PTH2R: variants seen among roughly 807,000 people sequenced by gnomAD.
PTH2R encodes the protein parathyroid hormone 2 receptor.
PTH2R carries 59 observed loss-of-function variants against 60.3 expected under a neutral mutation model. The ratio of observed to expected loss-of-function variants is 0.98; its 90% CI spans 0.79 to 1.22. The LOEUF is 1.22. Among genes scored for constraint, PTH2R ranks in the 50% most tolerant of loss-of-function variants. The pLI, the probability that PTH2R is intolerant of heterozygous loss-of-function variation, is 0.00. For synonymous variants in PTH2R, 256 were observed against 243.8 expected, an observed-to-expected ratio of 1.05 and a Z score of -0.47; for missense variants, 749 against 682.6, an observed-to-expected ratio of 1.10 and a Z score of -1.08.
chr2:208,416,061 A>C (rs1394270115), intron 1 of PTH2R, among the ~76,000 whole-genome samples: 6 of 152,212 alleles, frequency 3.9e-5, no homozygotes, highest in Non-Finnish European at 8.8e-5. Flanking sequence ...GAGTAATATC[A>C]GTAACATTTG....
intron 2 of PTH2R, among the ~76,000 whole-genome samples, chr2:208,429,534 T>A (rs528545689): frequency 5.3e-5 from 8 of 152,240 alleles, no homozygotes; most frequent in African/African-American, 1.9e-4. Context: ...TTACTATATT[T>A]AAAAAAATTT....
At chr2:208,379,459 CT>C (rs1337697899) in intron 1 of PTH2R, among the ~76,000 whole-genome samples, 2 of 152,166 alleles carry the variant, frequency 1.3e-5, no homozygotes, top group African/African-American at 4.8e-5. Flanking sequence ...AAAAATGGAA[CT>C]GTCTTTTGCT....
intron 8 of PTH2R, among the ~76,000 whole-genome samples, chr2:208,454,091 G>A (rs975902031): frequency 3.9e-5 from 6 of 152,144 alleles, no homozygotes; most frequent in African/African-American, 1.4e-4. Flanking sequence ...TGGCTCAAAT[G>A]GACTTTGGCC....
Position 208,443,382 on chromosome 2 carries a change from C to A in PTH2R, c.544C>A (p.His182Asn). 4 of 1,607,082 alleles carry A rather than the reference C, an allele frequency of 2.5e-6. No homozygotes were observed. The highest frequency in any genetic ancestry group is 3.4e-6 in the Non-Finnish European group (4 of 1,177,510). ...TTGCACTAGGAACTATATCCACATGCACTTATTTGTGTCTTTCATGCTGAG... is the reference window on the plus strand; with the variant it reads ...TTGCACTAGGAACTATATCCACATGAACTTATTTGTGTCTTTCATGCTGAG... ...LHCTRNYIHMHLFVSFMLRAT... is the reference protein window; with the variant it reads ...LHCTRNYIHMNLFVSFMLRAT... The change falls in exon 6 of 13, where the codon CAC becomes AAC. Residue 182 changes from histidine to asparagine, a missense_variant. Physicochemically the swap from His to Asn is moderately conservative, Grantham distance 68 (BLOSUM62 1). Coordinates refer to ENST00000272847, the MANE Select transcript of PTH2R (RefSeq NM_005048.4).
At chr2:208,368,376 A>G (rs1398224770) in intron 1 of PTH2R, among the ~76,000 whole-genome samples, 3 of 152,180 alleles carry the variant, frequency 2.0e-5, no homozygotes, top group Admixed American at 2.0e-4. Context: ...CTTATATGCA[A>G]TAGACTTAGC....
At chr2:208,373,947 C>T (rs575125278) in intron 1 of PTH2R, among the ~76,000 whole-genome samples, 2 of 152,094 alleles carry the variant, frequency 1.3e-5, no homozygotes, top group Non-Finnish European at 2.9e-5. Context: ...TACTTGAAAG[C>T]AAATACACTT....
At chr2:208,384,091 C>G (rs1700963726) in intron 1 of PTH2R, among the ~76,000 whole-genome samples, 1 of 152,158 alleles carries the variant, frequency 6.6e-6, no homozygotes, top group South Asian at 2.1e-4. Context: ...CTGCTAAATA[C>G]TGAAACAAGA....
At chr2:208,401,269 A>G (rs1444611909) in intron 1 of PTH2R, among the ~76,000 whole-genome samples, 1 of 152,070 alleles carries the variant, frequency 6.6e-6, no homozygotes, top group East Asian at 1.9e-4. Flanking sequence ...ATTCTTTTCA[A>G]AAGTCTCCAA....
intron 8 of PTH2R, among the ~76,000 whole-genome samples, chr2:208,455,985 TCCCAG>T (rs1344847823): frequency 1.3e-5 from 2 of 152,186 alleles, no homozygotes; most frequent in African/African-American, 4.8e-5. Flanking sequence ...ATGCCTGTAA[TCCCAG>T]TGCTTTGGGA....
chr2:208,489,378 C>CA lies in PTH2R; in HGVS notation c.1215+235dup, dbSNP rs1230714047. ...AGCAGTTCTGGAGCTGTTCGTCACA[C>CA]AAAAAAAGCCTGGACAGAGAGATAA... On this transcript the variant is annotated intron_variant, in intron 11 of 12. Transcript: ENST00000272847. Among the ~76,000 whole-genome samples, 27 of 151,892 alleles carry CA rather than the reference C, an allele frequency of 1.8e-4. No individual in the cohort carries two copies. The South Asian group carries it at 3.3e-3, about 19-fold the overall frequency.
At chr2:208,443,625 T>C (rs932390240) in intron 6 of PTH2R, 88 bp downstream of exon 6, 33 of 1,137,868 alleles carry the variant, frequency 2.9e-5, no homozygotes, top group Non-Finnish European at 4.0e-5. Flanking sequence ...CATGTTAACT[T>C]GCTTTTACTT....
chr2:208,442,461 G>A lies in PTH2R; in HGVS notation c.509G>A (p.Arg170Lys), dbSNP rs1229774535. The A allele has an allele frequency of 6.3e-7, 1 of 1,594,312 alleles. No homozygotes were observed. Among genetic ancestry groups the A allele is most frequent in the African/African-American group, 1.3e-5 (1 of 74,558 alleles). The change falls in exon 5 of 13, where the codon AGA becomes AAA. Residue 170 changes from arginine to lysine, a missense_variant and splice_region_variant. Coordinates refer to ENST00000272847, the MANE Select transcript of PTH2R (RefSeq NM_005048.4). Reference sequence around the variant, plus strand: ...GCTATTCTCATCATTGGTTACTTCAGGTGAGTGATGCCCATCACTTTTTCC... The same window carrying A: ...GCTATTCTCATCATTGGTTACTTCAAGTGAGTGATGCCCATCACTTTTTCC... The part of the protein sequence containing the change: ...AVAILIIGYF[R>K]RLHCTRNYIH...
At chr2:208,410,040 G>C (rs1701507983) in intron 1 of PTH2R, among the ~76,000 whole-genome samples, 2 of 152,092 alleles carry the variant, frequency 1.3e-5, no homozygotes, top group African/African-American at 4.8e-5. Context: ...GAGAACCTTG[G>C]GGGAAAGGTG....
At chr2:208,364,978 A>C (rs969308937) in intron 1 of PTH2R, among the ~76,000 whole-genome samples, 3 of 151,752 alleles carry the variant, frequency 2.0e-5, no homozygotes, top group African/African-American at 7.3e-5. Flanking sequence ...TGTGTATAGA[A>C]ATGTAACTGA....
chr2:208,366,975 C>T (rs1700605277), intron 1 of PTH2R, among the ~76,000 whole-genome samples: 1 of 152,330 alleles, frequency 6.6e-6, no homozygotes, highest in South Asian at 2.1e-4. Flanking sequence ...CTGTATGTCA[C>T]TTTCCTTTTT....
At chr2:208,491,482 G>A (rs1703402718) in intron 12 of PTH2R, among the ~76,000 whole-genome samples, 1 of 152,186 alleles carries the variant, frequency 6.6e-6, no homozygotes, top group African/African-American at 2.4e-5. Flanking sequence ...AAACCTGGGA[G>A]GGGCTTCTGG....
At position 208,369,366 on chromosome 2, in the gene PTH2R, C is replaced by CTTTTTTTTTT. The variant is rs34110985; in HGVS notation, c.-259+9130_-259+9131insTTTTTTTTTT. On this transcript the variant is annotated intron_variant, in intron 1 of 12. Transcript: ENST00000617735. ...TTGTCTGTAAACAACACTGGTCTCT[C>CTTTTTTTTTT]TCTCTTTTTTTTTTTTTTTAGAAGG... 5.2e-5 allele frequency among the ~76,000 whole-genome samples: 7 copies of CTTTTTTTTTT among 135,050 alleles called. 2 individuals carry two copies. The highest frequency in any genetic ancestry group is 8.6e-5 in the African/African-American group (3 of 34,870). The allele number at this position is 135,050 out of a possible 152,430, so 88.6% of individuals were successfully genotyped here.
chr2:208,374,479 G>A (rs866240394), intron 1 of PTH2R, among the ~76,000 whole-genome samples: 3 of 151,980 alleles, frequency 2.0e-5, no homozygotes, highest in African/African-American at 4.8e-5. Flanking sequence ...AATGCACATC[G>A]ATTACTGTTT....
intron 2 of PTH2R, among the ~76,000 whole-genome samples, chr2:208,434,769 A>G (rs192304050): frequency 6.6e-5 from 10 of 152,330 alleles, no homozygotes; most frequent in Non-Finnish European, 1.0e-4. Context: ...ATTGAAAGAT[A>G]TCAAGATATA....
Sources: gnomAD v4.1 joint callset for allele counts (sites outside exome capture counted in the v4.1 genomes callset) on GRCh38, gnomAD v4.1.1 for gene constraint, MANE v1.5 for transcripts, NCBI Gene and HGNC (gene_info 2026-07-23, HGNC 2026-07-21) for gene names.